The following CMIP variants were observed in gnomAD, a reference collection of about 807,000 sequenced individuals.
CMIP encodes c-Maf inducing protein.
Under a neutral mutation model 97.3 loss-of-function variants are expected in CMIP, and 13 were observed. That is an observed-to-expected ratio of 0.13 (90% CI 0.09 to 0.21). CMIP has a LOEUF of 0.21. CMIP is among the 10% of genes least tolerant of loss of function. The pLI, the probability that CMIP is intolerant of heterozygous loss-of-function variation, is 1.00. For missense variants in CMIP, 847 were observed against 1,024.9 expected (o/e 0.83, Z 2.37); for synonymous variants, 538 against 436.3 (o/e 1.23, Z -2.91).
At chr16:81,545,499 C>G (rs896640577) in intron 1 of CMIP, among the ~76,000 whole-genome samples, 1 of 152,308 alleles carries the variant, frequency 6.6e-6, no homozygotes, top group South Asian at 2.1e-4. Flanking sequence ...TGAAGAGTCC[C>G]TGTGCTCAGT....
At chr16:81,595,056 C>G (rs1377484494) in intron 1 of CMIP, among the ~76,000 whole-genome samples, 1 of 152,054 alleles carries the variant, frequency 6.6e-6, no homozygotes, top group Non-Finnish European at 1.5e-5. Flanking sequence ...CTCTCTCTCT[C>G]TCTCTCAAGA....
intron 1 of CMIP, among the ~76,000 whole-genome samples, chr16:81,488,762 C>G (rs1241152065): frequency 6.6e-6 from 1 of 152,306 alleles, no homozygotes; most frequent in South Asian, 2.1e-4. Context: ...ACTCTCCCCA[C>G]AGCTCCTGGC....
intron 7 of CMIP, chr16:81,665,953 G>A (rs896376855): frequency 2.0e-5 from 3 of 152,216 alleles, no homozygotes; most frequent in African/African-American, 7.2e-5. Context: ...ATTGCAAACT[G>A]TAAATGAATT....
intron 1 of CMIP, among the ~76,000 whole-genome samples, chr16:81,455,011 C>T (rs752786618): frequency 2.6e-5 from 4 of 152,176 alleles, no homozygotes; most frequent in African/African-American, 7.2e-5. Flanking sequence ...CACCGTAAGA[C>T]GGCATAGGAA....
chr16:81,479,558 TTGACTC>T (rs1478105912), intron 1 of CMIP, among the ~76,000 whole-genome samples: 7 of 152,186 alleles, frequency 4.6e-5, no homozygotes, highest in Non-Finnish European at 8.8e-5. Flanking sequence ...TTCTATGACT[TTGACTC>T]CTTTAGGGAC....
chr16:81,462,404 A>G (rs939706662), intron 1 of CMIP, among the ~76,000 whole-genome samples: 3 of 152,168 alleles, frequency 2.0e-5, no homozygotes, highest in African/African-American at 4.8e-5. Context: ...TTAGGGATTC[A>G]TGGACACCTC....
rs184248139 is a variant in CMIP at position 81,460,812 on chromosome 16, C to A, written c.300+15271C>A. On this transcript the variant is annotated intron_variant, in intron 1 of 20. Coordinates refer to ENST00000537098, the MANE Select transcript of CMIP (RefSeq NM_198390.3). The stretch of plus-strand genomic sequence containing the variant: ...ACTTGGACTCTTTTCTGAAAATTTG[C>A]CCCCTGCAAAGCAAAATGGTGGTGG... 2.6e-3 allele frequency among the ~76,000 whole-genome samples: 401 copies of A among 152,232 alleles called. 4 individuals carry two copies. The highest frequency in any genetic ancestry group is 5.1e-4 in the Non-Finnish European group (35 of 68,014).
rs538216482 is a variant in CMIP, at chr16:81,614,573, G to A, written c.427-6303G>A. 6.6e-6 allele frequency among the ~76,000 whole-genome samples: 1 copy of A among 152,264 alleles called. No individual in the cohort carries two copies. The highest frequency in any genetic ancestry group is 1.5e-5 in the Non-Finnish European group (1 of 68,018). ...GAAATGTGGCAGTGGAGGAAAGGTT[G>A]GGTTAGACCTGGGTCCTTAAGCCGT... On this transcript the variant is annotated intron_variant, in intron 2 of 20. Coordinates refer to ENST00000537098, the MANE Select transcript of CMIP (RefSeq NM_198390.3). The surrounding 1 kb of genome is among the most constrained non-coding windows in gnomAD (Gnocchi z 5.3).
chr16:81,486,453 A>G (rs150738762), intron 1 of CMIP, among the ~76,000 whole-genome samples: 407 of 152,270 alleles, frequency 2.7e-3, no homozygotes, highest in African/African-American at 8.8e-3. Context: ...CTAGGCCCTG[A>G]GACGCAGTGG....
At chr16:81,651,376 A>G in intron 3 of CMIP, 7 of 968,776 alleles carry the variant, frequency 7.2e-6, no homozygotes, top group Non-Finnish European at 8.6e-6. Context: ...CCAGGGAGGC[A>G]GCAGCCCCTG....
At chr16:81,513,509 C>T (rs1341033004) in intron 1 of CMIP, among the ~76,000 whole-genome samples, 1 of 152,242 alleles carries the variant, frequency 6.6e-6, no homozygotes, top group Non-Finnish European at 1.5e-5. Context: ...GCAAATAGAG[C>T]TGGCCTTTGT....
chr16:81,469,352 A>T (rs936690705), intron 1 of CMIP, among the ~76,000 whole-genome samples: 1 of 152,194 alleles, frequency 6.6e-6, no homozygotes, highest in African/African-American at 2.4e-5. Context: ...AAGTAACTTC[A>T]CCTCTCTGAG....
chr16:81,565,917 A>G (rs1235557764), intron 1 of CMIP, among the ~76,000 whole-genome samples: 1 of 152,168 alleles, frequency 6.6e-6, no homozygotes, highest in Non-Finnish European at 1.5e-5. Flanking sequence ...ACGGGGGGAC[A>G]TGCCCCTGCG....
At chr16:81,445,662 G>A (rs2150723462) in intron 1 of CMIP, 121 bp downstream of exon 1, 1 of 1,133,338 alleles carries the variant, frequency 8.8e-7, no homozygotes, top group Middle Eastern at 3.0e-4. Context: ...GGGGTGCCGG[G>A]GGAACGGGGA....
chr16:81,702,514 C>T (rs926120481), intron 16 of CMIP, 108 bp from the exon 17 acceptor site: 3 of 1,170,456 alleles, frequency 2.6e-6, no homozygotes, highest in Non-Finnish European at 3.8e-6. Context: ...TTGCCTTGTA[C>T]CACCAAGAAA....
At chr16:81,513,396 G>A (rs1262849368) in intron 1 of CMIP, among the ~76,000 whole-genome samples, 1 of 152,200 alleles carries the variant, frequency 6.6e-6, no homozygotes, top group Non-Finnish European at 1.5e-5. Context: ...TAGGTGTTCC[G>A]GAAACGGCTG....
chr16:81,476,543 C>T (rs540660087), intron 1 of CMIP: 12 of 620,318 alleles, frequency 1.9e-5, no homozygotes, highest in East Asian at 6.7e-5. Context: ...GGTTTCCCGA[C>T]GGCGCCGGTG....
chr16:81,597,879 G>T (rs1194526224), intron 1 of CMIP, among the ~76,000 whole-genome samples: 2 of 152,076 alleles, frequency 1.3e-5, no homozygotes, highest in African/African-American at 4.8e-5. Flanking sequence ...ATGGCTCTGT[G>T]ATGGCAGAGC....
intron 2 of CMIP, chr16:81,617,055 G>GCCC (rs2091928482): frequency 6.6e-6 from 1 of 152,392 alleles, no homozygotes; most frequent in Non-Finnish European, 1.5e-5. Context: ...GGGCAGAGGA[G>GCCC]ACGCCAGGAG....
Sources: gnomAD v4.1 joint callset for allele counts (sites outside exome capture counted in the v4.1 genomes callset) on GRCh38, gnomAD v4.1.1 for gene constraint, Gnocchi (gnomAD v3.1) non-coding constraint, MANE v1.5 for transcripts, NCBI Gene and HGNC (gene_info 2026-07-23, HGNC 2026-07-21) for gene names.